Variants in PRDM11 observed in about 807,000 individuals in gnomAD.
PRDM11 encodes PR domain-containing protein 11.
In PRDM11, 20 loss-of-function variants were observed where a neutral mutation model predicts 97.8. The ratio of observed to expected loss-of-function variants is 0.20; its 90% CI spans 0.14 to 0.30. The LOEUF is 0.30. PRDM11 is among the 10% of genes least tolerant of loss of function. The pLI, the probability that PRDM11 is intolerant of heterozygous loss-of-function variation, is 1.00. For synonymous variants in PRDM11, 599 were observed against 637.7 expected, an observed-to-expected ratio of 0.94 and a Z score of 0.91; for missense variants, 1,139 against 1,555.2, an observed-to-expected ratio of 0.73 and a Z score of 4.50.
At chr11:45,192,138 G>A (rs1240532035) in intron 4 of PRDM11, among the ~76,000 whole-genome samples, 2 of 152,136 alleles carry the variant, frequency 1.3e-5, no homozygotes, top group African/African-American at 2.4e-5. Flanking sequence ...CTGAGGGAAC[G>A]CAGCATAGCA....
intron 4 of PRDM11, among the ~76,000 whole-genome samples, chr11:45,195,251 A>T (rs1233768559): frequency 6.6e-6 from 1 of 152,130 alleles, no homozygotes. Context: ...ACCCATTTAA[A>T]ATGTATGATT....
At chr11:45,168,399 CCCAACT>C (rs1465278493) in intron 1 of PRDM11, among the ~76,000 whole-genome samples, 1 of 152,172 alleles carries the variant, frequency 6.6e-6, no homozygotes, top group Non-Finnish European at 1.5e-5. Flanking sequence ...AATAGAGACC[CCCAACT>C]CCAGGAATTG....
chr11:45,101,545 C>T (rs1851976001), intron 1 of PRDM11, among the ~76,000 whole-genome samples: 1 of 110,024 alleles, frequency 9.1e-6, no homozygotes, highest in Non-Finnish European at 1.8e-5. Context: ...GACAGAGCAA[C>T]ACTCTGTCTC....
intron 5 of PRDM11, chr11:45,209,351 A>G (rs971825828): frequency 8.9e-6 from 3 of 335,890 alleles, no homozygotes; most frequent in South Asian, 2.1e-5. Flanking sequence ...CCCAGCTTAC[A>G]GTCCACAGTC....
intron 4 of PRDM11, among the ~76,000 whole-genome samples, chr11:45,184,201 A>G (rs1041390911): frequency 5.3e-5 from 8 of 152,234 alleles, no homozygotes; most frequent in Non-Finnish European, 5.9e-5. Context: ...GAGCTACTGG[A>G]TGAAGGTCAG....
intron 1 of PRDM11, among the ~76,000 whole-genome samples, chr11:45,163,029 G>A (rs917263506): frequency 2.0e-5 from 3 of 152,176 alleles, no homozygotes; most frequent in African/African-American, 4.8e-5. Flanking sequence ...CTGGGGAGAC[G>A]GTGCCTGAAC....
At chr11:45,153,572 C>T (rs1005174565) in intron 1 of PRDM11, among the ~76,000 whole-genome samples, 9 of 152,190 alleles carry the variant, frequency 5.9e-5, no homozygotes, top group Admixed American at 1.3e-4. Flanking sequence ...CTCTTGCTGG[C>T]GATGGGACAG....
At chr11:45,125,080 G>T (rs1565240387) in intron 1 of PRDM11, among the ~76,000 whole-genome samples, 1 of 152,014 alleles carries the variant, frequency 6.6e-6, no homozygotes, top group African/African-American at 2.4e-5. Flanking sequence ...TGGTGTATGT[G>T]TTGAGGAATT....
chr11:45,115,746 A>G (rs1052607488), intron 1 of PRDM11, among the ~76,000 whole-genome samples: 2 of 152,038 alleles, frequency 1.3e-5, no homozygotes, highest in Non-Finnish European at 2.9e-5. Context: ...CCTGGCCAAC[A>G]TGGTGAAACC....
At chr11:45,196,305 C>A (rs956390475) in intron 4 of PRDM11, among the ~76,000 whole-genome samples, 1 of 152,136 alleles carries the variant, frequency 6.6e-6, no homozygotes, top group Non-Finnish European at 1.5e-5. Context: ...GGGAGAGCTA[C>A]CCAGGATGGA....
At chr11:45,117,697 T>C (rs1590349495) in intron 1 of PRDM11, among the ~76,000 whole-genome samples, 1 of 151,966 alleles carries the variant, frequency 6.6e-6, no homozygotes, top group Non-Finnish European at 1.5e-5. Context: ...CAGTGATTCA[T>C]GATCACAGCA....
chr11:45,208,868 C>T (rs1215732357), intron 5 of PRDM11: 1 of 433,630 alleles, frequency 2.3e-6, no homozygotes, highest in Non-Finnish European at 4.7e-6. Context: ...GGATATTCAA[C>T]CCAAGGAATG....
intron 1 of PRDM11, among the ~76,000 whole-genome samples, chr11:45,156,211 A>G (rs1476758370): frequency 2.6e-5 from 4 of 152,344 alleles, no homozygotes; most frequent in Non-Finnish European, 4.4e-5. Flanking sequence ...AGTACAGCAT[A>G]TGAGCCACTG....
At chr11:45,169,963 C>T (rs1281707972) in intron 1 of PRDM11, among the ~76,000 whole-genome samples, 2 of 152,208 alleles carry the variant, frequency 1.3e-5, no homozygotes, top group Non-Finnish European at 2.9e-5. Flanking sequence ...AGAGAAATAT[C>T]TCTACCTTCC....
intron 1 of PRDM11, among the ~76,000 whole-genome samples, chr11:45,127,505 T>G (rs1397084420): frequency 1.3e-5 from 2 of 152,194 alleles, no homozygotes; most frequent in African/African-American, 2.4e-5. Context: ...GATGTACAGA[T>G]GGGTTTTTGG....
At chr11:45,133,290 TAA>T (rs1267086733) in intron 1 of PRDM11, among the ~76,000 whole-genome samples, 2 of 152,338 alleles carry the variant, frequency 1.3e-5, no homozygotes, top group South Asian at 2.1e-4. Flanking sequence ...GTTAAGGACA[TAA>T]GTGACTCCTA....
chr11:45,213,573 C>T (rs1221730746), intron 5 of PRDM11: 1 of 456,446 alleles, frequency 2.2e-6, no homozygotes, highest in Admixed American at 2.3e-5. Context: ...TGCTCAGCTG[C>T]TGTGCTTGCC....
chr11:45,224,840 G>A lies in PRDM11; in HGVS notation c.1366G>A (p.Ala456Thr). 6.2e-7 allele frequency: 1 copy of A among 1,613,678 alleles called. No individual in the cohort carries two copies. Among genetic ancestry groups the A allele is most frequent in the Non-Finnish European group, 8.5e-7 (1 of 1,180,026 alleles). Residue 456 changes from alanine to threonine, a missense_variant, in exon 7 of 8, where the codon GCA becomes ACA. Ala to Thr is a moderately conservative substitution (Grantham distance 58, BLOSUM62 0). This residue lies in a region of PRDM11 where 710 missense variants were observed against 1,044.9 expected (regional missense o/e 0.68). Transcript: ENST00000683152. ...VLELPEFSDP[A>T]ASESMVSGPA... ...GGAGCTCCCAGAGTTCTCGGACCCT[G>A]CAGGTAAGTTGGTTTGGATGAGATT... is the stretch of plus-strand genomic sequence containing the variant.
At position 45,227,327 on chromosome 11, in the gene PRDM11, A is replaced by C; in HGVS notation, c.2702A>C (p.Glu901Ala). 1 of 1,533,954 alleles carries C rather than the reference A, an allele frequency of 6.5e-7. No homozygotes were observed. The highest frequency in any genetic ancestry group is 8.7e-7 in the Non-Finnish European group (1 of 1,146,728). The change falls in exon 8 of 8, where the codon GAG (glutamate) becomes GCG (alanine). Residue 901 changes from glutamate to alanine, a missense_variant. By Grantham distance (107) the Glu-to-Ala change is moderately radical. This residue lies in a region of PRDM11 where 710 missense variants were observed against 1,044.9 expected (regional missense o/e 0.68). Transcript: ENST00000683152. This position sits in a 1 kb window ranked among gnomAD's most constrained non-coding sequence, Gnocchi z 8.0. Reference protein sequence around the residue: ...LSRLAYIFQGEYLLVSQVDDK... With the variant: ...LSRLAYIFQGAYLLVSQVDDK... ...CGTCTGGCCTACATCTTCCAGGGCG[A>C]GTACCTGCTGGTGTCCCAGGTGGAT...
Sources: gnomAD v4.1 joint callset for allele counts (sites outside exome capture counted in the v4.1 genomes callset) on GRCh38, gnomAD v4.1.1 for gene constraint, gnomAD v4.1.1 regional missense constraint, Gnocchi (gnomAD v3.1) non-coding constraint, MANE v1.5 for transcripts, NCBI Gene and HGNC (gene_info 2026-07-23, HGNC 2026-07-21) for gene names.